The following RUNDC3B variants were observed in gnomAD, a reference collection of about 807,000 sequenced individuals.
RUNDC3B encodes RUN domain containing 3B.
A neutral mutation model predicts 58.4 loss-of-function variants in RUNDC3B; 33 were observed. The observed-to-expected ratio is 0.56, with a 90% CI of 0.43 to 0.75. RUNDC3B has a LOEUF of 0.75. Among genes scored for constraint, RUNDC3B ranks in the 30% least tolerant of loss-of-function variants. RUNDC3B has a pLI of 0.00. For synonymous variants in RUNDC3B, 193 were observed against 195.2 expected, an observed-to-expected ratio of 0.99 and a Z score of 0.10; for missense variants, 501 against 535.7, an observed-to-expected ratio of 0.94 and a Z score of 0.64.
intron 3 of RUNDC3B, among the ~76,000 whole-genome samples, chr7:87,707,322 G>T (rs760224731): frequency 6.6e-6 from 1 of 152,000 alleles, no homozygotes; most frequent in Non-Finnish European, 1.5e-5. Flanking sequence ...TCAAGAAAAT[G>T]GAAATAAATA....
chr7:87,809,830 T>A (rs771522234), intron 9 of RUNDC3B, among the ~76,000 whole-genome samples: 2 of 152,186 alleles, frequency 1.3e-5, no homozygotes, highest in Non-Finnish European at 2.9e-5. Flanking sequence ...TTCATCAGGA[T>A]CCAGTTTTTT....
chr7:87,760,974 A>T (rs764717050), intron 6 of RUNDC3B, among the ~76,000 whole-genome samples: 1 of 152,078 alleles, frequency 6.6e-6, no homozygotes, highest in Non-Finnish European at 1.5e-5. Flanking sequence ...AAAAATAGAT[A>T]AATTGGACTT....
intron 2 of RUNDC3B, among the ~76,000 whole-genome samples, chr7:87,661,838 A>G (rs1271552687): frequency 6.6e-6 from 1 of 152,116 alleles, no homozygotes; most frequent in Non-Finnish European, 1.5e-5. Flanking sequence ...ACTTTTCTCC[A>G]TAGTGGCTGT....
chr7:87,753,029 C>G (rs1207675356), intron 6 of RUNDC3B, among the ~76,000 whole-genome samples: 1 of 152,066 alleles, frequency 6.6e-6, no homozygotes, highest in African/African-American at 2.4e-5. Context: ...ATAAATTTCC[C>G]TCTACACACT....
At chr7:87,662,150 A>C (rs1824774607) in intron 2 of RUNDC3B, among the ~76,000 whole-genome samples, 1 of 151,798 alleles carries the variant, frequency 6.6e-6, no homozygotes. Context: ...TCTGCTTATT[A>C]ATCCCTTGTC....
chr7:87,718,463 A>G (rs1284798863), intron 4 of RUNDC3B, among the ~76,000 whole-genome samples: 1 of 152,192 alleles, frequency 6.6e-6, no homozygotes, highest in African/African-American at 2.4e-5. Context: ...CTTACCCATC[A>G]GAGTGATGGT....
At chr7:87,754,697 TAAA>T (rs886538682) in intron 6 of RUNDC3B, among the ~76,000 whole-genome samples, 1 of 151,792 alleles carries the variant, frequency 6.6e-6, no homozygotes, top group African/African-American at 2.4e-5. Flanking sequence ...GCTAGACTAA[TAAA>T]GAAGAAAAGA....
At position 87,830,888 on chromosome 7, in the gene RUNDC3B, G is replaced by T. The variant is rs183937693; in HGVS notation, c.*858G>T. On this transcript the variant is annotated 3_prime_UTR_variant, in exon 11 of 11. Transcript: ENST00000394654. The stretch of plus-strand genomic sequence containing the variant: ...AGGATTTGAGAGGCTTTTAAACAAG[G>T]ATCAGTAGGATAGTTATCATATTTA... 17 of 151,612 alleles carry T rather than the reference G, an allele frequency of 1.1e-4. No homozygotes were observed. The highest frequency in any genetic ancestry group is 4.1e-4 in the African/African-American group (17 of 41,454). The allele number at this position is 151,612 out of a possible 1,614,324, so 9.4% of individuals were successfully genotyped here.
intron 2 of RUNDC3B, among the ~76,000 whole-genome samples, chr7:87,693,389 T>C (rs181974099): frequency 1.3e-5 from 2 of 152,308 alleles, no homozygotes; most frequent in Admixed American, 6.5e-5. Flanking sequence ...AAAAAATGAA[T>C]GGCTACATTT....
chr7:87,747,379 C>G (rs978450363), intron 6 of RUNDC3B, among the ~76,000 whole-genome samples: 5 of 152,024 alleles, frequency 3.3e-5, no homozygotes, highest in African/African-American at 1.2e-4. Context: ...GCGGAGGTAG[C>G]AGGGGGGTGA....
At chr7:87,722,077 T>C (rs1830935425) in intron 4 of RUNDC3B, among the ~76,000 whole-genome samples, 1 of 151,998 alleles carries the variant, frequency 6.6e-6, no homozygotes. Context: ...TGCCTGTCTT[T>C]CCTTTAATTT....
rs573093758 is a variant in RUNDC3B at position 87,704,163 on chromosome 7, C to T, written c.372+3609C>T. ...CTCGAACTCCTGAGTTCAAGTGATC[C>T]GCCTGCCTCAGCCTCGCAAAGTGCT... On this transcript the variant is annotated intron_variant, in intron 3 of 10. Coordinates refer to ENST00000394654, the MANE Select transcript of RUNDC3B (RefSeq NM_001134405.2). 7.2e-5 allele frequency among the ~76,000 whole-genome samples: 11 copies of T among 152,000 alleles called. 1 individual carries two copies. The East Asian group carries it at 1.2e-3, about 16-fold the overall frequency.
At chr7:87,720,540 A>T (rs1830814326) in intron 4 of RUNDC3B, among the ~76,000 whole-genome samples, 1 of 100,770 alleles carries the variant, frequency 9.9e-6, no homozygotes, top group Non-Finnish European at 2.1e-5. Flanking sequence ...AAGATAGGAT[A>T]TATGTGTGTG....
Position 87,703,914 on chromosome 7 carries a change from G to GTTTTTTTTTTTTTTTTT in RUNDC3B, c.372+3370_372+3386dup, listed in dbSNP as rs35797972. Among the ~76,000 whole-genome samples, 86 of 42,984 alleles carry GTTTTTTTTTTTTTTTTT rather than the reference G, an allele frequency of 2.0e-3. 2 individuals are homozygous for GTTTTTTTTTTTTTTTTT. Among genetic ancestry groups the GTTTTTTTTTTTTTTTTT allele is most frequent in the Non-Finnish European group, 2.6e-3 (62 of 23,842 alleles). The allele number at this position is 42,984 out of a possible 152,430, so 28.2% of individuals were successfully genotyped here. ...TTTTTTTTTTTTTTTTTTTTTTTTG[G>GTTTTTTTTTTTTTTTTT]TTTTTTTTTTTTTTTTTTTTTTTTT... On this transcript the variant is annotated intron_variant, in intron 3 of 10. Coordinates refer to ENST00000394654, the MANE Select transcript of RUNDC3B (RefSeq NM_001134405.2).
At chr7:87,718,185 A>G (rs1830672471) in intron 4 of RUNDC3B, among the ~76,000 whole-genome samples, 1 of 152,164 alleles carries the variant, frequency 6.6e-6, no homozygotes, top group Non-Finnish European at 1.5e-5. Context: ...CCAGTGAAAA[A>G]CAAGTATGAA....
intron 1 of RUNDC3B, among the ~76,000 whole-genome samples, chr7:87,648,921 C>A (rs1405871940): frequency 6.6e-6 from 1 of 151,890 alleles, no homozygotes; most frequent in Non-Finnish European, 1.5e-5. Context: ...CTAGATATAA[C>A]CTATATAAAC....
chr7:87,727,872 G>A (rs984746278), intron 4 of RUNDC3B, among the ~76,000 whole-genome samples: 1 of 151,986 alleles, frequency 6.6e-6, no homozygotes. Context: ...CATACGGTAA[G>A]CTTCCTAGGA....
chr7:87,717,327 AAAAC>A (rs755591608), intron 4 of RUNDC3B, among the ~76,000 whole-genome samples: 15 of 151,904 alleles, frequency 9.9e-5, no homozygotes, highest in Non-Finnish European at 1.9e-4. Context: ...CAAGATAAGA[AAAAC>A]AAACAGAAAA....
chr7:87,685,159 C>T (rs1044474793), intron 2 of RUNDC3B, among the ~76,000 whole-genome samples: 2 of 151,856 alleles, frequency 1.3e-5, no homozygotes, highest in East Asian at 1.9e-4. Flanking sequence ...AAGGCATAGA[C>T]CAGGAAAAAA....
Sources: allele counts gnomAD v4.1 joint callset (sites outside exome capture counted in the v4.1 genomes callset), GRCh38; gene constraint gnomAD v4.1.1; transcripts MANE v1.5; gene names NCBI Gene and HGNC (gene_info 2026-07-23, HGNC 2026-07-21).